Variants in PLEC observed in about 807,000 individuals in gnomAD.
PLEC encodes hemidesmosomal protein 1.
A neutral mutation model predicts 392.8 loss-of-function variants in PLEC; 216 were observed. The observed-to-expected ratio is 0.55, with a 90% confidence interval of 0.49 to 0.62. The LOEUF is 0.62. Ranked by LOEUF, PLEC falls within the 20% of genes least tolerant of loss-of-function variation. The probability of loss-of-function intolerance (pLI) is 0.00; values close to 1 mark genes in which losing one functional copy is unlikely to be tolerated. For missense variants in PLEC, 6,863 were observed against 6,563.4 expected (o/e 1.05, Z -1.58); for synonymous variants, 3,621 against 2,980.6 (o/e 1.21, Z -7.00).
rs782010477 is a variant in PLEC, at chr8:143,918,954, T to C, written c.10867A>G (p.Ile3623Val). Residue 3623 changes from isoleucine to valine, a missense_variant, in exon 32 of 32, where the codon ATC becomes GTC. Ile to Val is a conservative substitution (Grantham distance 29). Transcript: ENST00000345136. ...VTKERMIIII[I>V]EIIEKTEIIR... is the part of the protein sequence containing the mutation. ...ATCTCTGTCTTCTCAATGATCTCGA[T>C]GATGATGATGATCATGCGTTCCTTG... The C allele has an allele frequency of 5.0e-6, 8 of 1,609,930 alleles. No homozygotes were observed. The East Asian group carries it at 1.1e-4, about 22-fold the overall frequency.
rs367762942 is a variant in PLEC at position 143,919,810 on chromosome 8, C to T, written c.10011G>A (p.Thr3337=). The change falls in exon 32 of 32, where the codon ACG becomes ACA. Residue 3337 remains threonine, a synonymous_variant. Transcript: ENST00000345136. ...AGCCCAGCTCCGAAAGGTCCTTGAC[C>T]GTCGTCTTGCCGTCCTTGAGCTGCT... ...QFEQLKDGKT[T]VKDLSELGSV... 7.3e-5 allele frequency: 117 copies of T among 1,612,930 alleles called. 1 individual carries two copies. Among genetic ancestry groups the T allele is most frequent in the African/African-American group, 2.8e-4 (21 of 74,950 alleles).
At chr8:143,932,347 G>A in intron 16 of PLEC, 53 bp downstream of exon 16, 1 of 1,609,730 alleles carries the variant, frequency 6.2e-7, no homozygotes, top group Non-Finnish European at 8.5e-7. Context: ...GGACGGCCAG[G>A]GCACAGCTGG....
upstream of PLEC, among the ~76,000 whole-genome samples, chr8:143,957,403 T>C (rs1832652911): frequency 1.3e-5 from 2 of 152,178 alleles, no homozygotes; most frequent in African/African-American, 4.8e-5. Context: ...GGAAAACCCC[T>C]ACCTCTAGCT....
rs781879136 is a variant in PLEC at position 143,934,012 on chromosome 8, C to T, written c.1249G>A (p.Ala417Thr). The T allele has an allele frequency of 1.2e-5, 19 of 1,610,292 alleles. No individual in the cohort carries two copies. The East Asian group carries it at 3.8e-4, about 32-fold the overall frequency. Residue 417 changes from alanine (A) to threonine (T), a missense_variant, in exon 12 of 32, where the codon GCC becomes ACC. Coordinates refer to ENST00000345136, the MANE Select transcript of PLEC (RefSeq NM_201384.3). The part of the protein sequence containing the change: ...LCEEQLNQAD[A>T]LLQSDVRLLA... ...CACCCCCTCACCGACTGCAGCAGGG[C>T]GTCGGCCTGGTTCAGCTGCTCCTCA...
At chr8:143,954,979 G>C (rs1158596810), upstream of PLEC, among the ~76,000 whole-genome samples, 1 of 152,166 alleles carries the variant, frequency 6.6e-6, no homozygotes, top group Non-Finnish European at 1.5e-5. This position sits in a 1 kb window ranked among gnomAD's most constrained non-coding sequence, Gnocchi z 4.6. Flanking sequence ...TGATCCAGGA[G>C]CGAGGCCGGC....
intron 1 of PLEC, among the ~76,000 whole-genome samples, chr8:143,961,840 A>G (rs144186196): frequency 1.7e-3 from 254 of 152,170 alleles, no homozygotes; most frequent in African/African-American, 6.0e-3. Context: ...TTATTTTTTT[A>G]TTCTTTTTGA....
At chr8:143,928,380 C>A (rs987185211) in intron 25 of PLEC, among the ~76,000 whole-genome samples, 1 of 152,266 alleles carries the variant, frequency 6.6e-6, no homozygotes, top group Non-Finnish European at 1.5e-5. Flanking sequence ...GTGGAAATGG[C>A]ACCCTGTGGT....
rs782376110 is a variant in PLEC, at chr8:143,920,097, G to A, written c.9724C>T (p.Pro3242Ser). ...ETFEKTPVEVPVGGFKGRTVT... is the reference protein window; with the variant it reads ...ETFEKTPVEVSVGGFKGRTVT... ...GTCCTGCCCTTGAAGCCACCCACGG[G>A]GACCTCAACCGGGGTCTTTTCAAAG... The change falls in exon 32 of 32, where the codon CCC (proline) becomes TCC (serine). Residue 3242 changes from proline to serine, a missense_variant. Coordinates refer to ENST00000345136, the MANE Select transcript of PLEC (RefSeq NM_201384.3). The A allele has an allele frequency of 1.4e-5, 23 of 1,613,012 alleles. No individual in the cohort carries two copies. The Admixed American group carries it at 3.5e-4, about 25-fold the overall frequency.
chr8:143,924,719 G>A lies in PLEC; in HGVS notation c.5210C>T (p.Ala1737Val). 1.3e-6 allele frequency: 2 copies of A among 1,534,484 alleles called. No individual in the cohort carries two copies. The highest frequency in any genetic ancestry group is 1.7e-6 in the Non-Finnish European group (2 of 1,146,090). The change falls in exon 31 of 32, where the codon GCC becomes GTC. Residue 1737 changes from alanine to valine, a missense_variant. Physicochemically the swap from Ala to Val is moderately conservative, Grantham distance 64. Coordinates refer to ENST00000345136, the MANE Select transcript of PLEC (RefSeq NM_201384.3). ...TGCAGCCGCCTCACGCTGCAGCCGG[G>A]CCAGCTCCTCCTCCAGCAGCTGCCG... ...QQRQLLEEEL[A>V]RLQREAAAAT...
Position 143,917,830 on chromosome 8 carries a change from G to A in PLEC, c.11991C>T (p.Gly3997=). ...ACAGCAGCTTGTCCTTGAACTCGGGGCCCACAATGCCCATACGCACAGCCT... is the reference window on the plus strand; with the variant it reads ...ACAGCAGCTTGTCCTTGAACTCGGGACCCACAATGCCCATACGCACAGCCT... ...VEEAVRMGIV[G]PEFKDKLLSA... The change falls in exon 32 of 32, where the codon GGC becomes GGT. Residue 3997 remains glycine, a synonymous_variant. Coordinates refer to ENST00000345136, the MANE Select transcript of PLEC (RefSeq NM_201384.3). 6.2e-7 allele frequency: 1 copy of A among 1,613,288 alleles called. No individual in the cohort carries two copies. Among genetic ancestry groups the A allele is most frequent in the South Asian group, 1.1e-5 (1 of 91,084 alleles).
rs1827718557 is a variant in PLEC, at chr8:143,932,648, T to G, written c.1802A>C (p.Tyr601Ser). 6.2e-7 allele frequency: 1 copy of G among 1,610,780 alleles called. No individual in the cohort carries two copies. The highest frequency in any genetic ancestry group is 1.3e-5 in the African/African-American group (1 of 74,834). ...RDCLGRLDLQ[Y>S]AKLLNSSKAR... ...GCCCCCACTCACCAGCAGCTTGGCG[T>G]ACTGCAGGTCCAGCCGACCCAGGCA... Residue 601 changes from tyrosine to serine, a missense_variant, in exon 15 of 32, where the codon TAC becomes TCC. Tyr to Ser is a moderately radical substitution (Grantham distance 144, BLOSUM62 -2). Coordinates refer to ENST00000345136, the MANE Select transcript of PLEC (RefSeq NM_201384.3).
intron 2 of PLEC, 26 bp from the exon 3 acceptor site, chr8:143,938,266 G>A: frequency 6.4e-7 from 1 of 1,570,984 alleles, no homozygotes; most frequent in Non-Finnish European, 8.6e-7. Context: ...CGGCTGAGGT[G>A]GCCAGTCCCC....
Position 143,919,925 on chromosome 8 carries a change from C to T in PLEC, c.9896G>A (p.Arg3299Gln), listed in dbSNP as rs368318946. The change falls in exon 32 of 32, where the codon CGG becomes CAG. Residue 3299 changes from arginine to glutamine, a missense_variant. By Grantham distance (43) the Arg-to-Gln change is conservative. Transcript: ENST00000345136. ...GCCGCTGAAGGACAGCCTCTCCTGC[C>T]GCAGGGTCTCCACCTCCTCCACGAT... ...ITIVEEVETL[R>Q]QERLSFSGLR... 216 of 1,613,354 alleles carry T rather than the reference C, an allele frequency of 1.3e-4. 1 individual carries two copies. Among genetic ancestry groups the T allele is most frequent in the South Asian group, 1.3e-3 (117 of 91,082 alleles).
At position 143,929,301 on chromosome 8, in the gene PLEC, G is replaced by C. The variant is rs1487757166; in HGVS notation, c.3082-20C>G. On this transcript the variant is annotated intron_variant, in intron 24 of 31. Coordinates refer to ENST00000345136, the MANE Select transcript of PLEC (RefSeq NM_201384.3). ...TGCCTTCTGCAAAGACAGGGAGTGG[G>C]AACGCACTCATCACCGAGCGCAGCA... 2 of 1,597,738 alleles carry C rather than the reference G, an allele frequency of 1.3e-6. No individual in the cohort carries two copies. The highest frequency in any genetic ancestry group is 1.7e-5 in the Admixed American group (1 of 59,734).
Position 143,925,387 on chromosome 8 carries a change from C to G in PLEC, c.4542G>C (p.Glu1514Asp). The G allele has an allele frequency of 6.3e-7, 1 of 1,578,442 alleles. No individual in the cohort carries two copies. Among genetic ancestry groups the G allele is most frequent in the Non-Finnish European group, 8.5e-7 (1 of 1,169,734 alleles). Residue 1514 changes from glutamate to aspartate, a missense_variant, in exon 31 of 32, where the codon GAG becomes GAC. Transcript: ENST00000345136. ...CCTTCACGCGCGAGGCCAGCTCCAC[C>G]TCCGCCTGCCGCTTACGCTGGCTCT... ...QDESQRKRQA[E>D]VELASRVKAE...
chr8:143,919,796 G>C lies in PLEC; in HGVS notation c.10025C>G (p.Ser3342Trp), dbSNP rs538702691. Residue 3342 changes from serine (S) to tryptophan (W), a missense_variant, in exon 32 of 32, where the codon TCG becomes TGG. Physicochemically the swap from Ser to Trp is radical, Grantham distance 177. Transcript: ENST00000345136. The part of the protein sequence containing the change: ...KDGKTTVKDL[S>W]ELGSVRTLLQ... ...CAGCGTCCGCACGGAGCCCAGCTCC[G>C]AAAGGTCCTTGACCGTCGTCTTGCC... The C allele has an allele frequency of 1.2e-6, 2 of 1,612,670 alleles. No homozygotes were observed. The highest frequency in any genetic ancestry group is 1.3e-5 in the African/African-American group (1 of 74,946).
chr8:143,946,475 G>T, intron 1 of PLEC: 1 of 1,078,298 alleles, frequency 9.3e-7, no homozygotes, highest in Non-Finnish European at 1.2e-6. Flanking sequence ...GGAGGCAGAG[G>T]GAGGGCCCAC....
chr8:143,929,213 G>A lies in PLEC; in HGVS notation c.3150C>T (p.Val1050=). ...CAGGCGATGGCTCTGGTAGGGCCAA[G>A]ACCTTCTCGGCCTCGGCAGAGAGCC... ...VARLSAEAEK[V]LALPEPSPAA... Residue 1050 remains valine (V), a synonymous_variant, in exon 25 of 32, where the codon GTC becomes GTT. Transcript: ENST00000345136. 6.2e-7 allele frequency: 1 copy of A among 1,602,752 alleles called. No individual in the cohort carries two copies. The highest frequency in any genetic ancestry group is 8.5e-7 in the Non-Finnish European group (1 of 1,178,280).
rs1586742632 is a variant in PLEC at position 143,916,264 on chromosome 8, T to A, written c.13557A>T (p.Ser4519=). 2.6e-6 allele frequency: 4 copies of A among 1,551,442 alleles called. No homozygotes were observed. The highest frequency in any genetic ancestry group is 2.6e-6 in the Non-Finnish European group (3 of 1,148,440). The change falls in exon 32 of 32, where the codon TCA becomes TCT. Residue 4519 remains serine (S), a synonymous_variant. Transcript: ENST00000345136. ...TGSGFSMTFS[S]SSYSSSGYGR... ...CGTAGCCCGAGGAGGAGTAGGAGGATGAAGAGAAGGTCATGGAGAAGCCGG... is the reference window on the plus strand; with the variant it reads ...CGTAGCCCGAGGAGGAGTAGGAGGAAGAAGAGAAGGTCATGGAGAAGCCGG...
Sources: allele counts gnomAD v4.1 joint callset (sites outside exome capture counted in the v4.1 genomes callset), GRCh38; gene constraint gnomAD v4.1.1; non-coding constraint Gnocchi (gnomAD v3.1); transcripts MANE v1.5; gene names NCBI Gene and HGNC (gene_info 2026-07-23, HGNC 2026-07-21).